Variants in PTPRG observed in about 807,000 individuals in gnomAD.
PTPRG encodes receptor-type tyrosine-protein phosphatase gamma.
Under a neutral mutation model 165.3 loss-of-function variants are expected in PTPRG, and 102 were observed. The observed-to-expected ratio is 0.62, with a 90% CI of 0.53 to 0.73. PTPRG has a LOEUF of 0.73. Ranked by LOEUF, PTPRG falls within the 30% of genes least tolerant of loss-of-function variation. The pLI is 0.00. For missense variants in PTPRG, 1,866 were observed against 1,861.4 expected (o/e 1.00, Z -0.05); for synonymous variants, 675 against 669.5 (o/e 1.01, Z -0.13).
rs930957250 is a variant in PTPRG, at chr3:61,856,770, C to A, written c.190+107788C>A. On this transcript the variant is annotated intron_variant, in intron 2 of 29. Coordinates refer to ENST00000474889, the MANE Select transcript of PTPRG (RefSeq NM_002841.4). The stretch of plus-strand genomic sequence containing the variant: ...GCTGTTCCACAAATTACTCATTATG[C>A]TGCTCTTGGAGGCCCTTTGAAGAAT... Among the ~76,000 whole-genome samples the A allele has an allele frequency of 2.0e-5, 3 of 152,324 alleles. No individual in the cohort carries two copies. In the East Asian group the frequency reaches 5.8e-4, roughly 29 times the overall value.
intron 2 of PTPRG, among the ~76,000 whole-genome samples, chr3:61,757,922 A>G (rs1173232988): frequency 6.6e-6 from 1 of 152,216 alleles, no homozygotes; most frequent in East Asian, 1.9e-4. Context: ...CTAGCTGAAT[A>G]CATGTGTTAT....
chr3:61,570,388 A>G (rs1700028216), intron 1 of PTPRG, among the ~76,000 whole-genome samples: 1 of 152,142 alleles, frequency 6.6e-6, no homozygotes, highest in Non-Finnish European at 1.5e-5. Context: ...GCTGAATTCT[A>G]GCAACTAAAA....
intron 4 of PTPRG, among the ~76,000 whole-genome samples, chr3:62,014,205 C>T (rs1241467298): frequency 6.6e-6 from 1 of 152,114 alleles, no homozygotes; most frequent in Non-Finnish European, 1.5e-5. Context: ...CCCTTTAAAT[C>T]CCTGGCATAG....
chr3:61,694,298 A>G (rs922423361), intron 1 of PTPRG, among the ~76,000 whole-genome samples: 1 of 152,220 alleles, frequency 6.6e-6, no homozygotes, highest in Non-Finnish European at 1.5e-5. Context: ...TCTTTTAAAG[A>G]CATTAAGAAA....
chr3:62,006,191 T>C (rs2041295006), intron 4 of PTPRG, among the ~76,000 whole-genome samples: 1 of 152,216 alleles, frequency 6.6e-6, no homozygotes, highest in Non-Finnish European at 1.5e-5. Context: ...CCTATATCAA[T>C]TGGGTTTCTC....
At chr3:61,856,288 T>C (rs759609127) in intron 2 of PTPRG, among the ~76,000 whole-genome samples, 1 of 152,102 alleles carries the variant, frequency 6.6e-6, no homozygotes, top group South Asian at 2.1e-4. Flanking sequence ...CTCATACCCA[T>C]TGAGCAGTCA....
At chr3:61,802,908 C>T (rs1337047649) in intron 2 of PTPRG, among the ~76,000 whole-genome samples, 1 of 152,138 alleles carries the variant, frequency 6.6e-6, no homozygotes, top group Non-Finnish European at 1.5e-5. Flanking sequence ...CATTTGCTGG[C>T]CAAATTCAGA....
intron 2 of PTPRG, among the ~76,000 whole-genome samples, chr3:61,936,963 A>G (rs922745478): frequency 2.0e-5 from 3 of 152,230 alleles, no homozygotes; most frequent in Admixed American, 6.5e-5. Context: ...CACAGCAGAA[A>G]TGCTTTTAAT....
chr3:62,019,677 C>T (rs1196896186), intron 4 of PTPRG, among the ~76,000 whole-genome samples: 5 of 151,834 alleles, frequency 3.3e-5, no homozygotes, highest in South Asian at 2.1e-4. Context: ...ATGGTAAGTA[C>T]GGGAGGTGAT....
chr3:61,801,911 G>C (rs2035257746), intron 2 of PTPRG, among the ~76,000 whole-genome samples: 1 of 151,912 alleles, frequency 6.6e-6, no homozygotes, highest in African/African-American at 2.4e-5. Context: ...TGTAGTCCCA[G>C]CTACTCAGGA....
At chr3:61,844,041 G>A (rs1161410898) in intron 2 of PTPRG, among the ~76,000 whole-genome samples, 2 of 148,068 alleles carry the variant, frequency 1.4e-5, no homozygotes, top group Non-Finnish European at 3.0e-5. Flanking sequence ...TCGTCTCACT[G>A]CAAATTCCGC....
chr3:61,831,856 G>A (rs1332626153), intron 2 of PTPRG, among the ~76,000 whole-genome samples: 1 of 152,046 alleles, frequency 6.6e-6, no homozygotes, highest in Admixed American at 6.6e-5. Flanking sequence ...CACACACATA[G>A]GATAGATATT....
chr3:62,231,836 A>T (rs1409531682), intron 14 of PTPRG, among the ~76,000 whole-genome samples: 2 of 151,670 alleles, frequency 1.3e-5, no homozygotes, highest in African/African-American at 4.8e-5. Context: ...TTTTTTTTTA[A>T]AAAAAGGAAA....
intron 4 of PTPRG, among the ~76,000 whole-genome samples, chr3:62,070,496 C>T (rs951805908): frequency 2.6e-5 from 4 of 152,340 alleles, no homozygotes; most frequent in Admixed American, 6.5e-5. Flanking sequence ...CTAGTATTTA[C>T]AATGGGCAGC....
At chr3:61,624,535 G>T (rs1246054861) in intron 1 of PTPRG, among the ~76,000 whole-genome samples, 2 of 152,132 alleles carry the variant, frequency 1.3e-5, no homozygotes, top group African/African-American at 2.4e-5. Flanking sequence ...AAAGCCCAAG[G>T]GCATCGCAAA....
chr3:62,206,567 C>T (rs1313050791), intron 12 of PTPRG, among the ~76,000 whole-genome samples: 1 of 152,100 alleles, frequency 6.6e-6, no homozygotes, highest in African/African-American at 2.4e-5. Flanking sequence ...GAGGAGGCCC[C>T]CCACAGCCCT....
chr3:62,162,855 C>G (rs1205881402), intron 7 of PTPRG, among the ~76,000 whole-genome samples: 2 of 152,158 alleles, frequency 1.3e-5, no homozygotes, highest in Non-Finnish European at 2.9e-5. Context: ...CTATTCTAAG[C>G]CTCACTTCAC....
intron 8 of PTPRG, among the ~76,000 whole-genome samples, chr3:62,191,069 G>A (rs1351192516): frequency 1.3e-5 from 2 of 152,184 alleles, no homozygotes; most frequent in Non-Finnish European, 2.9e-5. Context: ...GTGTGCGCAT[G>A]TGCATCTGTG....
At chr3:62,011,200 A>G (rs1226429760) in intron 4 of PTPRG, among the ~76,000 whole-genome samples, 1 of 152,090 alleles carries the variant, frequency 6.6e-6, no homozygotes, top group Admixed American at 6.6e-5. Flanking sequence ...CCTCCCGTGC[A>G]TGTGTTAAGG....
Sources: allele counts gnomAD v4.1 joint callset (sites outside exome capture counted in the v4.1 genomes callset), GRCh38; gene constraint gnomAD v4.1.1; transcripts MANE v1.5; gene names NCBI Gene and HGNC (gene_info 2026-07-23, HGNC 2026-07-21).